The following TOMM20L variants were observed in gnomAD, a reference collection of about 807,000 sequenced individuals.
TOMM20L encodes TOMM20-like protein 1.
A neutral mutation model predicts 20.4 loss-of-function variants in TOMM20L; 19 were observed. That is an observed-to-expected ratio of 0.93 (90% CI 0.65 to 1.36). The LOEUF (loss-of-function observed/expected upper bound fraction) is 1.36. TOMM20L is among the 40% of genes most tolerant of loss of function. The probability of loss-of-function intolerance (pLI) is 0.00; values close to 1 mark genes in which losing one functional copy is unlikely to be tolerated. For synonymous variants in TOMM20L, 75 were observed against 79.6 expected, an observed-to-expected ratio of 0.94 and a Z score of 0.30; for missense variants, 218 against 203.7, an observed-to-expected ratio of 1.07 and a Z score of -0.43.
the TOMM20L span, among the ~76,000 whole-genome samples, chr14:58,415,777 AG>A: frequency 6.6e-6 from 1 of 152,198 alleles, no homozygotes; most frequent in African/African-American, 2.4e-5. Context: ...AGGGTAGGGT[AG>A]TAAAAGTAGT....
intron 3 of TOMM20L, among the ~76,000 whole-genome samples, chr14:58,404,927 T>G (rs1247820159): frequency 6.6e-6 from 1 of 151,992 alleles, no homozygotes; most frequent in South Asian, 2.1e-4. Context: ...AGCTTATGTC[T>G]AAAGACTTTT....
chr14:58,412,100 T>C (rs2036238832), downstream of TOMM20L: 1 of 653,886 alleles, frequency 1.5e-6, no homozygotes, highest in Admixed American at 2.7e-5. Flanking sequence ...CACCCCCAAT[T>C]TCTCAGATCA....
downstream of TOMM20L, among the ~76,000 whole-genome samples, chr14:58,410,480 T>C (rs992953901): frequency 1.3e-5 from 2 of 152,124 alleles, no homozygotes; most frequent in African/African-American, 2.4e-5. Context: ...AAGTCAAGCT[T>C]TGTTTTTTCC....
chr14:58,398,860 C>G (rs1425770754), intron 2 of TOMM20L: 2 of 151,380 alleles, frequency 1.3e-5, no homozygotes, highest in Non-Finnish European at 2.9e-5. Context: ...TTCAAATGTC[C>G]TTTCATATAA....
At chr14:58,414,496 G>C in the TOMM20L span, among the ~76,000 whole-genome samples, 2 of 152,026 alleles carry the variant, frequency 1.3e-5, no homozygotes, top group Non-Finnish European at 2.9e-5. Flanking sequence ...CCAGCACTTT[G>C]GGAGGCTGAG....
chr14:58,409,099 C>T, downstream of TOMM20L: 3 of 1,613,816 alleles, frequency 1.9e-6, no homozygotes, highest in South Asian at 1.1e-5. Context: ...ATATGATATT[C>T]CTGAAATCTC....
At chr14:58,396,272 C>T (rs2035916621) in intron 1 of TOMM20L, 26 bp from the exon 2 acceptor site, 1 of 1,612,292 alleles carries the variant, frequency 6.2e-7, no homozygotes, top group South Asian at 1.1e-5. Context: ...GCCTCCCAGC[C>T]AGCATGTGCC....
chr14:58,412,303 A>G (rs1025045240), downstream of TOMM20L, among the ~76,000 whole-genome samples: 4 of 152,130 alleles, frequency 2.6e-5, no homozygotes, highest in African/African-American at 9.7e-5. Context: ...CACCATGCCC[A>G]GCTAATTTTT....
chr14:58,401,674 GCTGAAGTAA>G (rs2035995169), intron 2 of TOMM20L, among the ~76,000 whole-genome samples: 1 of 152,146 alleles, frequency 6.6e-6, no homozygotes, highest in Non-Finnish European at 1.5e-5. Context: ...AAACACTGGA[GCTGAAGTAA>G]CTGGCAGTGG....
chr14:58,409,144 G>T (rs1367331653), downstream of TOMM20L: 3 of 1,613,628 alleles, frequency 1.9e-6, no homozygotes, highest in African/African-American at 1.3e-5. Context: ...AAATATTTCT[G>T]TAAGCAATGT....
At chr14:58,400,531 A>G (rs1249264600) in intron 2 of TOMM20L, among the ~76,000 whole-genome samples, 1 of 151,892 alleles carries the variant, frequency 6.6e-6, no homozygotes, top group Non-Finnish European at 1.5e-5. Context: ...GAAATAATAT[A>G]TGTAAAGTTC....
At chr14:58,414,008 G>GCAA in the TOMM20L span, among the ~76,000 whole-genome samples, 2 of 24,172 alleles carry the variant, frequency 8.3e-5, no homozygotes, top group Non-Finnish European at 1.3e-4. Flanking sequence ...TTCCGTCTCA[G>GCAA]AAAAAAAAAA....
chr14:58,410,806 A>G, downstream of TOMM20L: 1 of 1,432,586 alleles, frequency 7.0e-7, no homozygotes, highest in Non-Finnish European at 9.7e-7. Flanking sequence ...GTGTTTATGA[A>G]GGCTTGTAGA....
intron 3 of TOMM20L, among the ~76,000 whole-genome samples, chr14:58,404,416 A>G (rs1037808743): frequency 2.0e-5 from 3 of 150,850 alleles, no homozygotes; most frequent in Admixed American, 6.6e-5. Context: ...GGCGTGAGCC[A>G]CCGCGCCCGG....
At chr14:58,412,343 T>C (rs1163926694), downstream of TOMM20L, among the ~76,000 whole-genome samples, 3 of 152,206 alleles carry the variant, frequency 2.0e-5, no homozygotes, top group African/African-American at 7.2e-5. Context: ...GGTTTCACCA[T>C]GTTGGCAAGG....
intron 2 of TOMM20L, among the ~76,000 whole-genome samples, chr14:58,397,604 G>A (rs2035944700): frequency 6.6e-6 from 1 of 152,196 alleles, no homozygotes; most frequent in African/African-American, 2.4e-5. Context: ...GGAGGGAACA[G>A]CATGTGCATA....
chr14:58,401,190 TC>T (rs1319753909), intron 2 of TOMM20L, among the ~76,000 whole-genome samples: 10 of 152,214 alleles, frequency 6.6e-5, no homozygotes, highest in Non-Finnish European at 1.3e-4. Context: ...TCCTTGAGTG[TC>T]CTGCCCTTGC....
At chr14:58,397,708 C>A (rs2035945963) in intron 2 of TOMM20L, among the ~76,000 whole-genome samples, 1 of 151,844 alleles carries the variant, frequency 6.6e-6, no homozygotes, top group East Asian at 1.9e-4. Flanking sequence ...GGTTGGAGAG[C>A]GAAAGTAGGA....
intron 3 of TOMM20L, among the ~76,000 whole-genome samples, chr14:58,404,097 A>ATG (rs369989732): frequency 0.077 from 544 of 7,038 alleles, 131 homozygotes; most frequent in Non-Finnish European, 0.2. Context: ...ATACATATAT[A>ATG]TGTATATATA....
Sources: gnomAD v4.1 joint callset for allele counts (sites outside exome capture counted in the v4.1 genomes callset) on GRCh38, gnomAD v4.1.1 for gene constraint, MANE v1.5 for transcripts, NCBI Gene and HGNC (gene_info 2026-07-23, HGNC 2026-07-21) for gene names.